The following THSD4 variants were observed in gnomAD, a reference collection of about 807,000 sequenced individuals.
THSD4 encodes thrombospondin type-1 domain-containing protein 4.
A neutral mutation model predicts 119.0 loss-of-function variants in THSD4; 69 were observed. That is an observed-to-expected ratio of 0.58 (90% CI 0.48 to 0.71). The LOEUF (loss-of-function observed/expected upper bound fraction) is 0.71, where lower values mean the gene tolerates loss of function less well. THSD4 is among the 30% of genes least tolerant of loss of function. The pLI is 0.00. For synonymous variants in THSD4, 524 were observed against 540.4 expected (o/e 0.97, Z 0.42); for missense variants, 1,393 against 1,391.1 (o/e 1.00, Z -0.02).
intron 16 of THSD4, chr15:71,767,194 ACTT>A (rs2053729892): frequency 6.6e-6 from 1 of 152,236 alleles, no homozygotes; most frequent in Non-Finnish European, 1.5e-5. Context: ...TGGAAGCTAG[ACTT>A]CTTTGAATGT....
At chr15:71,401,192 C>G (rs2046527529) in intron 6 of THSD4, among the ~76,000 whole-genome samples, 1 of 152,076 alleles carries the variant, frequency 6.6e-6, no homozygotes, top group Non-Finnish European at 1.5e-5. Flanking sequence ...TATTTTGCTT[C>G]CCTAGAAGGC....
intron 3 of THSD4, among the ~76,000 whole-genome samples, chr15:71,204,859 C>A (rs1328157166): frequency 1.3e-5 from 2 of 152,110 alleles, no homozygotes; most frequent in African/African-American, 4.8e-5. Flanking sequence ...TCTGAGTTGG[C>A]CTCAACTTGA....
chr15:71,577,058 A>G (rs1464758977), intron 7 of THSD4, among the ~76,000 whole-genome samples: 7 of 151,348 alleles, frequency 4.6e-5, no homozygotes. Context: ...TGAACTGTAA[A>G]TGTCTCCAGA....
Position 71,722,102 on chromosome 15 carries a change from T to C in THSD4, c.1358-6447T>C, listed in dbSNP as rs547284637. On this transcript the variant is annotated intron_variant, in intron 8 of 17. Transcript: ENST00000261862. ...CTTGACCTTCAGTGAACACAGCGTC[T>C]AGCAAAAGCCAGGAGCCACCTGCAC... 5.3e-5 allele frequency among the ~76,000 whole-genome samples: 8 copies of C among 152,332 alleles called. No homozygotes were observed. In the East Asian group the frequency reaches 1.4e-3, roughly 26 times the overall value.
chr15:71,207,511 C>T (rs1029686099), intron 3 of THSD4, among the ~76,000 whole-genome samples: 1 of 152,194 alleles, frequency 6.6e-6, no homozygotes, highest in Admixed American at 6.5e-5. Flanking sequence ...ACATTTTATG[C>T]ATATATTGTA....
intron 7 of THSD4, among the ~76,000 whole-genome samples, chr15:71,585,208 T>C (rs2049641407): frequency 6.6e-6 from 1 of 152,246 alleles, no homozygotes; most frequent in Admixed American, 6.5e-5. Flanking sequence ...TTCATATTGC[T>C]AATTCGTGTC....
At chr15:71,524,431 C>T (rs2048486333) in intron 7 of THSD4, among the ~76,000 whole-genome samples, 1 of 152,170 alleles carries the variant, frequency 6.6e-6, no homozygotes, top group Admixed American at 6.5e-5. Flanking sequence ...TGTGCCAACT[C>T]TGCTGCATTG....
chr15:71,131,330 A>C (rs1411213436), intron 1 of THSD4, among the ~76,000 whole-genome samples: 1 of 152,068 alleles, frequency 6.6e-6, no homozygotes, highest in African/African-American at 2.4e-5. Context: ...GAAGATGAAA[A>C]GCAAACGAAA....
chr15:71,595,680 A>G (rs2049895316), intron 7 of THSD4, among the ~76,000 whole-genome samples: 1 of 152,180 alleles, frequency 6.6e-6, no homozygotes, highest in Non-Finnish European at 1.5e-5. Context: ...TGCAGATTGT[A>G]TTTCCAAAGA....
chr15:71,239,058 G>T (rs2044130449), intron 4 of THSD4, among the ~76,000 whole-genome samples: 1 of 152,156 alleles, frequency 6.6e-6, no homozygotes, highest in Non-Finnish European at 1.5e-5. Context: ...AGTTGGTAGA[G>T]CTATTAAATA....
At chr15:71,261,970 C>T (rs1321030009) in intron 6 of THSD4, among the ~76,000 whole-genome samples, 1 of 152,166 alleles carries the variant, frequency 6.6e-6, no homozygotes, top group Non-Finnish European at 1.5e-5. Context: ...TATCCTTCCT[C>T]CTCTTAAATG....
At chr15:71,559,686 T>C (rs1187949845) in intron 7 of THSD4, among the ~76,000 whole-genome samples, 1 of 152,100 alleles carries the variant, frequency 6.6e-6, no homozygotes, top group African/African-American at 2.4e-5. Context: ...ATAAGGAACA[T>C]TAATAAGATA....
Position 71,723,052 on chromosome 15 carries a change from A to G in THSD4, c.1358-5497A>G, listed in dbSNP as rs111443208. ...TTAGAACCATCTTAAGCAACGTTCT[A>G]TGGATGGACATTTAGGCTAGTTTTT... On this transcript the variant is annotated intron_variant, in intron 8 of 17. Coordinates refer to ENST00000261862, the MANE Select transcript of THSD4 (RefSeq NM_024817.3). 1.4e-3 allele frequency among the ~76,000 whole-genome samples: 205 copies of G among 147,922 alleles called. 1 individual carries two copies. Among genetic ancestry groups the G allele is most frequent in the African/African-American group, 4.4e-3 (180 of 40,576 alleles).
intron 6 of THSD4, chr15:71,341,025 T>A: frequency 1.5e-6 from 1 of 671,870 alleles, no homozygotes; most frequent in Non-Finnish European, 2.5e-6. Flanking sequence ...TGTTTCCCAG[T>A]GTCTTGCATT....
intron 14 of THSD4, among the ~76,000 whole-genome samples, chr15:71,749,701 A>T (rs550467830): frequency 7.2e-6 from 1 of 139,456 alleles, no homozygotes; most frequent in Non-Finnish European, 1.5e-5. Flanking sequence ...TTAAATTTTT[A>T]TTTATTTATT....
chr15:71,361,978 A>AT (rs2045897324), intron 6 of THSD4, among the ~76,000 whole-genome samples: 1 of 152,262 alleles, frequency 6.6e-6, no homozygotes, highest in African/African-American at 2.4e-5. Flanking sequence ...AATTTATATT[A>AT]TTCAAAATAA....
chr15:71,400,903 A>G (rs2046522843), intron 6 of THSD4, among the ~76,000 whole-genome samples: 1 of 152,122 alleles, frequency 6.6e-6, no homozygotes, highest in Admixed American at 6.6e-5. Flanking sequence ...GAACTTGTGA[A>G]GTTTGAATGG....
At chr15:71,588,185 A>G (rs2049721166) in intron 7 of THSD4, among the ~76,000 whole-genome samples, 1 of 151,318 alleles carries the variant, frequency 6.6e-6, no homozygotes, top group Non-Finnish European at 1.5e-5. Flanking sequence ...GGGCGCCTGT[A>G]GTCCCAGCTA....
chr15:71,417,959 G>T (rs2046776814), intron 7 of THSD4, among the ~76,000 whole-genome samples: 1 of 105,922 alleles, frequency 9.4e-6, no homozygotes, highest in African/African-American at 3.3e-5. Flanking sequence ...TTACTTCTTT[G>T]GTTAATTCCT....
Sources: gnomAD v4.1 joint callset for allele counts (sites outside exome capture counted in the v4.1 genomes callset) on GRCh38, gnomAD v4.1.1 for gene constraint, MANE v1.5 for transcripts, NCBI Gene and HGNC (gene_info 2026-07-23, HGNC 2026-07-21) for gene names.